Variants in TENM4 observed in about 807,000 individuals in gnomAD.
The protein encoded by TENM4 is teneurin-4.
Under a neutral mutation model 243.3 loss-of-function variants are expected in TENM4, and 82 were observed. The ratio of observed to expected loss-of-function variants is 0.34; its 90% CI spans 0.28 to 0.40. TENM4 has a LOEUF of 0.40. Among genes scored for constraint, TENM4 ranks in the 10% least tolerant of loss-of-function variants. The pLI is 1.00. For synonymous variants in TENM4, 1,412 were observed against 1,456.3 expected, an observed-to-expected ratio of 0.97 and a Z score of 0.69; for missense variants, 3,138 against 3,673.3, an observed-to-expected ratio of 0.85 and a Z score of 3.77.
chr11:79,358,450 T>A (rs1511229), intron 1 of TENM4, among the ~76,000 whole-genome samples: 25,542 of 151,976 alleles, frequency 0.17, 2,318 homozygotes, highest in Middle Eastern at 0.24. Flanking sequence ...CAATCATTCA[T>A]GGGCCGGATG....
At chr11:79,034,246 T>C (rs754148601) in intron 6 of TENM4, among the ~76,000 whole-genome samples, 16 of 152,188 alleles carry the variant, frequency 1.1e-4, no homozygotes, top group Non-Finnish European at 2.4e-4. Flanking sequence ...TGGAAAAAGT[T>C]AAAAACTACC....
intron 2 of TENM4, among the ~76,000 whole-genome samples, chr11:79,242,754 G>A (rs775055738): frequency 1.3e-5 from 2 of 152,114 alleles, no homozygotes; most frequent in South Asian, 2.1e-4. Context: ...GTGAACACCC[G>A]TGTGGATTCA....
At chr11:79,175,134 G>A (rs758283478) in intron 3 of TENM4, among the ~76,000 whole-genome samples, 1 of 152,148 alleles carries the variant, frequency 6.6e-6, no homozygotes, top group African/African-American at 2.4e-5. Flanking sequence ...ATATTGGACC[G>A]TCAAACCTGG....
At chr11:79,101,319 G>A (rs1479842956) in intron 4 of TENM4, among the ~76,000 whole-genome samples, 9 of 152,248 alleles carry the variant, frequency 5.9e-5, no homozygotes, top group African/African-American at 1.9e-4. Flanking sequence ...CGGATTTTAA[G>A]CAGTTTTTCT....
intron 6 of TENM4, among the ~76,000 whole-genome samples, chr11:78,981,788 C>T (rs1422572791): frequency 6.6e-6 from 1 of 152,184 alleles, no homozygotes; most frequent in Admixed American, 6.5e-5. Flanking sequence ...AGATCTCCTA[C>T]CTCACTGTAG....
chr11:79,262,607 G>A, intron 2 of TENM4, among the ~76,000 whole-genome samples: 1 of 152,156 alleles, frequency 6.6e-6, no homozygotes, highest in Non-Finnish European at 1.5e-5. Context: ...CTTCAGAAAT[G>A]AGACCTCAAG....
At chr11:79,133,963 T>C (rs981409875) in intron 4 of TENM4, among the ~76,000 whole-genome samples, 5 of 152,128 alleles carry the variant, frequency 3.3e-5, no homozygotes, top group African/African-American at 1.2e-4. Flanking sequence ...CTCTCATCAC[T>C]CTTCTTCAAC....
chr11:78,828,654 G>A (rs755550913), intron 12 of TENM4, among the ~76,000 whole-genome samples: 2 of 152,200 alleles, frequency 1.3e-5, no homozygotes, highest in Non-Finnish European at 2.9e-5. Context: ...AATCCTATTA[G>A]AGATCATGGT....
At chr11:79,432,276 C>G (rs1037510916) in intron 1 of TENM4, among the ~76,000 whole-genome samples, 1 of 152,132 alleles carries the variant, frequency 6.6e-6, no homozygotes, top group South Asian at 2.1e-4. Flanking sequence ...TTTGTTTTCT[C>G]CAATGCAACG....
intron 3 of TENM4, among the ~76,000 whole-genome samples, chr11:79,192,295 GA>G (rs1863529325): frequency 6.6e-6 from 1 of 152,250 alleles, no homozygotes; most frequent in African/African-American, 2.4e-5. Flanking sequence ...AATGGGCCAT[GA>G]TGACGATGGC....
chr11:79,415,570 G>T (rs769438645), intron 1 of TENM4, among the ~76,000 whole-genome samples: 1 of 152,164 alleles, frequency 6.6e-6, no homozygotes, highest in Non-Finnish European at 1.5e-5. Context: ...AGCTCAGAGA[G>T]CTTAAGTAGC....
chr11:78,669,543 T>C lies in TENM4; in HGVS notation c.6802A>G (p.Ile2268Val), dbSNP rs749673647. ...DGFLRQRGGD[I>V]FEYNSAGLLI... ...AGGCCAGCTGAGTTGTACTCAAAGATATCACCGCCCCGCTGCCTCAGGAAG... is the reference window on the plus strand; with the variant it reads ...AGGCCAGCTGAGTTGTACTCAAAGACATCACCGCCCCGCTGCCTCAGGAAG... The change falls in exon 32 of 34, where the codon ATC becomes GTC. Residue 2268 changes from isoleucine (I) to valine (V), a missense_variant. Physicochemically the swap from Ile to Val is conservative, Grantham distance 29. Around this residue, in one of 2 missense-constraint regions of TENM4, gnomAD observed 2,467 missense variants for 3,059.1 expected, o/e 0.81. Transcript: ENST00000278550. The surrounding 1 kb of genome is among the most constrained non-coding windows in gnomAD (Gnocchi z 6.4). 4.3e-6 allele frequency: 7 copies of C among 1,613,808 alleles called. No individual in the cohort carries two copies. In the African/African-American group the frequency reaches 8.0e-5, roughly 18 times the overall value.
At chr11:79,055,606 T>C (rs927322859) in intron 6 of TENM4, among the ~76,000 whole-genome samples, 11 of 152,234 alleles carry the variant, frequency 7.2e-5, no homozygotes, top group African/African-American at 1.4e-4. Context: ...GGTTGACCCA[T>C]AGTTTTGAAA....
chr11:78,819,011 T>C (rs550950600), intron 12 of TENM4, among the ~76,000 whole-genome samples: 2 of 152,220 alleles, frequency 1.3e-5, no homozygotes, highest in East Asian at 3.9e-4. Context: ...TTTCCTTTCA[T>C]CTGTATTGGA....
chr11:79,418,350 C>T (rs1229082590), intron 1 of TENM4, among the ~76,000 whole-genome samples: 2 of 152,042 alleles, frequency 1.3e-5, no homozygotes, highest in Non-Finnish European at 2.9e-5. Flanking sequence ...ATGGATTTCC[C>T]TAAACAAGCA....
chr11:79,125,957 G>T (rs758667420), intron 4 of TENM4, among the ~76,000 whole-genome samples: 5 of 152,178 alleles, frequency 3.3e-5, no homozygotes, highest in Admixed American at 3.3e-4. Context: ...GAAATCTGGA[G>T]AACAGGCATG....
At chr11:79,245,344 G>A (rs1310065430) in intron 2 of TENM4, among the ~76,000 whole-genome samples, 3 of 152,348 alleles carry the variant, frequency 2.0e-5, no homozygotes, top group South Asian at 2.1e-4. Flanking sequence ...GAACTAGGAC[G>A]TGGATCAGTG....
At chr11:79,023,521 C>T (rs1156910564) in intron 6 of TENM4, among the ~76,000 whole-genome samples, 8 of 149,502 alleles carry the variant, frequency 5.4e-5, no homozygotes, top group Admixed American at 2.7e-4. Flanking sequence ...AAGATCATGC[C>T]ACTGCACTCC....
intron 1 of TENM4, among the ~76,000 whole-genome samples, chr11:79,386,468 T>C (rs1352078395): frequency 1.3e-5 from 2 of 151,412 alleles, no homozygotes; most frequent in Non-Finnish European, 2.9e-5. Context: ...ACTGAGATAA[T>C]AAAAAGGCCA....
Sources: gnomAD v4.1 joint callset for allele counts (sites outside exome capture counted in the v4.1 genomes callset) on GRCh38, gnomAD v4.1.1 for gene constraint, gnomAD v4.1.1 regional missense constraint, Gnocchi (gnomAD v3.1) non-coding constraint, MANE v1.5 for transcripts, NCBI Gene and HGNC (gene_info 2026-07-23, HGNC 2026-07-21) for gene names.